SPMIP7: variants seen among roughly 807,000 people sequenced by gnomAD.
The protein encoded by SPMIP7 is sperm microtubule inner protein 7, also known as protein SPMIP7.
chr7:50,096,471 C>A, the SPMIP7 span: 3 of 1,551,710 alleles, frequency 1.9e-6, no homozygotes, highest in African/African-American at 1.4e-5. Flanking sequence ...ACCATACCAA[C>A]CCTAGTGGAT....
the SPMIP7 span, chr7:50,096,298 C>G: frequency 6.4e-7 from 1 of 1,551,766 alleles, no homozygotes; most frequent in African/African-American, 1.4e-5. Flanking sequence ...ACCCTTATCC[C>G]CCTTCAGTTT....
the SPMIP7 span, among the ~76,000 whole-genome samples, chr7:50,099,030 T>C: frequency 6.6e-6 from 1 of 152,280 alleles, no homozygotes. Flanking sequence ...GCAACAACCG[T>C]TATATCTTCT....
chr7:50,148,164 T>C, the SPMIP7 span, among the ~76,000 whole-genome samples: 4 of 152,224 alleles, frequency 2.6e-5, no homozygotes, highest in Non-Finnish European at 5.9e-5. Flanking sequence ...CAGGGTTAAA[T>C]GGAGTAGATT....
the SPMIP7 span, among the ~76,000 whole-genome samples, chr7:50,097,558 G>C: frequency 6.6e-6 from 1 of 151,928 alleles, no homozygotes; most frequent in South Asian, 2.1e-4. Flanking sequence ...TTGAGCTCTG[G>C]CAAAAACTCA....
At chr7:50,112,698 T>C in the SPMIP7 span, among the ~76,000 whole-genome samples, 1 of 152,012 alleles carries the variant, frequency 6.6e-6, no homozygotes, top group African/African-American at 2.4e-5. Flanking sequence ...AAACTAACGA[T>C]GTGAGCCCTG....
At chr7:50,129,808 C>A in the SPMIP7 span, 2 of 1,508,852 alleles carry the variant, frequency 1.3e-6, no homozygotes, top group Non-Finnish European at 1.8e-6. Flanking sequence ...GCAGTTTTCC[C>A]AGTGGAATTT....
At chr7:50,133,219 ATTTGTGTGTGTGTG>A in the SPMIP7 span, among the ~76,000 whole-genome samples, 381 of 135,762 alleles carry the variant, frequency 2.8e-3, 3 homozygotes, top group East Asian at 0.038. Flanking sequence ...AGATCCCCAT[ATTTGTGTGTGTGTG>A]TTTGTGTGTG....
chr7:50,134,574 GA>G, the SPMIP7 span, among the ~76,000 whole-genome samples: 5 of 152,192 alleles, frequency 3.3e-5, no homozygotes, highest in African/African-American at 1.2e-4. Context: ...AGTAAATAAT[GA>G]AGAAGACAGA....
At chr7:50,140,327 T>C in the SPMIP7 span, 1 of 450,576 alleles carries the variant, frequency 2.2e-6, no homozygotes, top group Non-Finnish European at 3.8e-6. Context: ...ACACAGTGCC[T>C]GTTTAATGTC....
At chr7:50,137,969 T>C in the SPMIP7 span, among the ~76,000 whole-genome samples, 1 of 152,292 alleles carries the variant, frequency 6.6e-6, no homozygotes, top group African/African-American at 2.4e-5. Flanking sequence ...GACTTTTCTA[T>C]TTTTGCTTAT....
At chr7:50,097,683 T>TAAAAA in the SPMIP7 span, among the ~76,000 whole-genome samples, 6 of 142,212 alleles carry the variant, frequency 4.2e-5, no homozygotes, top group Admixed American at 2.1e-4. Flanking sequence ...CATTTTATGT[T>TAAAAA]AAAAAAAAAA....
At chr7:50,133,994 G>A in the SPMIP7 span, 2 of 897,362 alleles carry the variant, frequency 2.2e-6, no homozygotes, top group Non-Finnish European at 3.3e-6. Context: ...ACACACCAAG[G>A]GGCAGGGATC....
chr7:50,106,816 G>A, the SPMIP7 span, among the ~76,000 whole-genome samples: 1 of 152,176 alleles, frequency 6.6e-6, no homozygotes, highest in Non-Finnish European at 1.5e-5. Context: ...AGAAGACTGG[G>A]GAAGGGGCCA....
At chr7:50,150,726 C>G in the SPMIP7 span, among the ~76,000 whole-genome samples, 5 of 152,296 alleles carry the variant, frequency 3.3e-5, no homozygotes, top group African/African-American at 7.2e-5. Flanking sequence ...CCTACTTAAG[C>G]CTTTCTCTTG....
the SPMIP7 span, chr7:50,141,351 C>T: frequency 7.0e-5 from 109 of 1,551,608 alleles, no homozygotes; most frequent in Non-Finnish European, 9.1e-5. Context: ...GCTAGCCAAG[C>T]AGCGGTACTC....
chr7:50,115,349 C>T, the SPMIP7 span, among the ~76,000 whole-genome samples: 2 of 151,912 alleles, frequency 1.3e-5, no homozygotes, highest in Non-Finnish European at 2.9e-5. Context: ...GCAGATTTAC[C>T]GTTAGTAGAT....
At chr7:50,141,439 A>G in the SPMIP7 span, 2 of 1,118,878 alleles carry the variant, frequency 1.8e-6, no homozygotes, top group Non-Finnish European at 2.7e-6. Context: ...AGGATGAAAC[A>G]TGATGATGGA....
At chr7:50,124,523 C>T in the SPMIP7 span, among the ~76,000 whole-genome samples, 1 of 152,108 alleles carries the variant, frequency 6.6e-6, no homozygotes, top group African/African-American at 2.4e-5. Flanking sequence ...TTGAATTCAT[C>T]CCACATATGT....
chr7:50,110,744 AAT>A, the SPMIP7 span, among the ~76,000 whole-genome samples: 1 of 128,798 alleles, frequency 7.8e-6, no homozygotes, highest in East Asian at 2.1e-4. Flanking sequence ...ATTATATATA[AAT>A]ATGTTATGTT....
Sources: gnomAD v4.1 joint callset for allele counts (sites outside exome capture counted in the v4.1 genomes callset) on GRCh38, gnomAD v4.1.1 for gene constraint, MANE v1.5 for transcripts, NCBI Gene and HGNC (gene_info 2026-07-23, HGNC 2026-07-21) for gene names.